SEL1L3: variants seen among roughly 807,000 people sequenced by gnomAD.
SEL1L3 encodes protein sel-1 homolog 3.
A neutral mutation model predicts 142.8 loss-of-function variants in SEL1L3; 76 were observed. The observed-to-expected ratio is 0.53, with a 90% CI of 0.44 to 0.64. The LOEUF is 0.64. SEL1L3 is among the 30% of genes least tolerant of loss of function. SEL1L3 has a pLI of 0.00. For missense variants in SEL1L3, 1,262 were observed against 1,381.7 expected, an observed-to-expected ratio of 0.91 and a Z score of 1.37; for synonymous variants, 504 against 519.6, an observed-to-expected ratio of 0.97 and a Z score of 0.41.
rs1026288924 is a variant in SEL1L3, at chr4:25,847,527, G to A, written c.500C>T (p.Ser167Phe). The A allele has an allele frequency of 1.2e-6, 2 of 1,613,888 alleles. No homozygotes were observed. The highest frequency in any genetic ancestry group is 2.2e-5 in the South Asian group (2 of 91,078). The change falls in exon 2 of 24, where the codon TCT becomes TTT. Residue 167 changes from serine to phenylalanine, a missense_variant. This residue lies in a region of SEL1L3 where 689 missense variants were observed against 692.8 expected (regional missense o/e 0.99). Transcript: ENST00000399878. ...RDDYFIRHSI[S>F]VSAVIVRAWI... ...GGCGCGTACTATCACTGCAGATACA[G>A]AGATGGAATGTCTGATGAAATAATC...
chr4:25,846,642 C>A (rs1716528595), intron 2 of SEL1L3, among the ~76,000 whole-genome samples: 1 of 152,114 alleles, frequency 6.6e-6, no homozygotes, highest in South Asian at 2.1e-4. Flanking sequence ...GGCATGGTGG[C>A]TCACACCTGT....
chr4:25,803,953 A>T (rs907240390), intron 10 of SEL1L3, among the ~76,000 whole-genome samples: 6 of 152,130 alleles, frequency 3.9e-5, no homozygotes, highest in African/African-American at 1.4e-4. Context: ...CCATAATTGC[A>T]TGAGCCAATT....
At chr4:25,757,422 G>T in intron 23 of SEL1L3, 112 bp downstream of exon 23, 3 of 768,840 alleles carry the variant, frequency 3.9e-6, no homozygotes, top group Non-Finnish European at 5.8e-6. Flanking sequence ...ATGACCAACA[G>T]CACCAGGAGG....
chr4:25,738,045 A>G, the SEL1L3 span, among the ~76,000 whole-genome samples: 1 of 152,150 alleles, frequency 6.6e-6, no homozygotes, highest in East Asian at 1.9e-4. Flanking sequence ...ACGTGCCGCC[A>G]CACCTGCCTA....
downstream of SEL1L3, among the ~76,000 whole-genome samples, chr4:25,744,718 A>G (rs1051987711): frequency 1.3e-5 from 2 of 152,186 alleles, no homozygotes; most frequent in Non-Finnish European, 2.9e-5. Context: ...AATGCACAAG[A>G]CAACCCTGCA....
the SEL1L3 span, among the ~76,000 whole-genome samples, chr4:25,733,207 T>C: frequency 3.5e-4 from 53 of 152,284 alleles, no homozygotes; most frequent in African/African-American, 1.3e-3. Flanking sequence ...ATAAAATCAA[T>C]TTGGGGAGAA....
chr4:25,808,257 C>G (rs1440784476), intron 9 of SEL1L3, among the ~76,000 whole-genome samples: 1 of 152,160 alleles, frequency 6.6e-6, no homozygotes, highest in African/African-American at 2.4e-5. Flanking sequence ...GAAGAAGCAG[C>G]CATTTTCCCA....
At position 25,757,674 on chromosome 4, in the gene SEL1L3, G is replaced by A; in HGVS notation, c.3186+14C>T. The A allele has an allele frequency of 6.3e-7, 1 of 1,576,956 alleles. No homozygotes were observed. Among genetic ancestry groups the A allele is most frequent in the Non-Finnish European group, 8.6e-7 (1 of 1,161,426 alleles). ...GGGGCCACAAGGGTGGGGCCGGTGG[G>A]ACATGAAACCTACCAGGGCTGAGTG... On this transcript the variant is annotated intron_variant, in intron 22 of 23. Transcript: ENST00000399878.
intron 15 of SEL1L3, among the ~76,000 whole-genome samples, 183 bp from the exon 16 acceptor site, chr4:25,779,386 T>C (rs142915665): frequency 1.5e-4 from 23 of 152,360 alleles, no homozygotes; most frequent in Non-Finnish European, 2.6e-4. Context: ...CTGAGATGTA[T>C]GACCTTGCCT....
At chr4:25,794,096 AT>A (rs1712544472) in intron 11 of SEL1L3, among the ~76,000 whole-genome samples, 1 of 152,274 alleles carries the variant, frequency 6.6e-6, no homozygotes, top group Non-Finnish European at 1.5e-5. Context: ...AGGCAATACC[AT>A]TCAGGACATA....
chr4:25,737,304 G>A, the SEL1L3 span, among the ~76,000 whole-genome samples: 4 of 152,234 alleles, frequency 2.6e-5, no homozygotes, highest in Non-Finnish European at 5.9e-5. Flanking sequence ...TTAAACAACA[G>A]AACTTTATTT....
At chr4:25,723,960 G>T in the SEL1L3 span, among the ~76,000 whole-genome samples, 7 of 152,174 alleles carry the variant, frequency 4.6e-5, no homozygotes, top group African/African-American at 1.7e-4. Flanking sequence ...GCAAGGTTCT[G>T]ACTTACAGCA....
chr4:25,751,966 G>C (rs1347852519), intron 23 of SEL1L3, among the ~76,000 whole-genome samples: 1 of 151,760 alleles, frequency 6.6e-6, no homozygotes, highest in East Asian at 1.9e-4. Flanking sequence ...AAATTTAGCT[G>C]GGTGTGGTGG....
chr4:25,778,115 C>T (rs1057382749), intron 16 of SEL1L3, among the ~76,000 whole-genome samples: 10 of 152,070 alleles, frequency 6.6e-5, no homozygotes, highest in African/African-American at 2.4e-4. Context: ...AATGTGCCTC[C>T]CATTCACCAT....
chr4:25,826,824 C>T (rs1048103417), intron 6 of SEL1L3, among the ~76,000 whole-genome samples: 9 of 151,970 alleles, frequency 5.9e-5, no homozygotes, highest in Non-Finnish European at 8.8e-5. Context: ...CCACCATGCC[C>T]GGCTAATTTT....
At chr4:25,769,959 T>G (rs573023271) in intron 17 of SEL1L3, among the ~76,000 whole-genome samples, 3 of 151,922 alleles carry the variant, frequency 2.0e-5, no homozygotes, top group Non-Finnish European at 4.4e-5. Flanking sequence ...AAACCCTGTC[T>G]CTACTAAAAC....
In SEL1L3 at chr4:25,748,531, G is replaced by C. The variant is rs1363239316; in HGVS notation, c.3293C>G (p.Ser1098Cys). 5.0e-6 allele frequency: 8 copies of C among 1,611,646 alleles called. No individual in the cohort carries two copies. Among genetic ancestry groups the C allele is most frequent in the Non-Finnish European group, 6.8e-6 (8 of 1,179,214 alleles). ...SDPPPRPSQA[S>C]PDTATSTASP... ...TGCAGTGGACGTGGCAGTGTCTGGG[G>C]AGGCCTGGGATGGTCTTGGAGGGGG... Residue 1098 changes from serine (S) to cysteine (C), a missense_variant, in exon 24 of 24, where the codon TCC becomes TGC. Ser to Cys is a moderately radical substitution (Grantham distance 112). Transcript: ENST00000399878.
At chr4:25,807,427 A>C (rs1333978884) in intron 9 of SEL1L3, among the ~76,000 whole-genome samples, 1 of 152,176 alleles carries the variant, frequency 6.6e-6, no homozygotes, top group Non-Finnish European at 1.5e-5. Flanking sequence ...AGTTGTAATA[A>C]GAACGTGGAA....
rs1355572844 is a variant in SEL1L3, at chr4:25,779,057, A to G, written c.2585+19T>C. The G allele has an allele frequency of 1.2e-6, 2 of 1,611,834 alleles. No homozygotes were observed. Among genetic ancestry groups the G allele is most frequent in the Non-Finnish European group, 1.7e-6 (2 of 1,178,676 alleles). On this transcript the variant is annotated intron_variant, in intron 16 of 23. Coordinates refer to ENST00000399878, the MANE Select transcript of SEL1L3 (RefSeq NM_015187.5). ...GGATATGGCTTTCCCTTCAAATGCA[A>G]CGTTTGACAGAGTCTTACACAACAG... is the stretch of plus-strand genomic sequence containing the variant.
Sources: gnomAD v4.1 joint callset for allele counts (sites outside exome capture counted in the v4.1 genomes callset) on GRCh38, gnomAD v4.1.1 for gene constraint, gnomAD v4.1.1 regional missense constraint, MANE v1.5 for transcripts, NCBI Gene and HGNC (gene_info 2026-07-23, HGNC 2026-07-21) for gene names.